The following DHRSX variants were observed in gnomAD, a reference collection of about 807,000 sequenced individuals.
DHRSX encodes the protein polyprenol dehydrogenase.
Under a neutral mutation model 34.0 loss-of-function variants are expected in DHRSX, and 31 were observed. The observed-to-expected ratio is 0.91, with a 90% CI of 0.69 to 1.23. DHRSX has a LOEUF of 1.23. Among genes scored for constraint, DHRSX ranks in the 50% most tolerant of loss-of-function variants. DHRSX has a pLI of 0.00. For synonymous variants in DHRSX, 201 were observed against 183.8 expected (o/e 1.09, Z -0.76); for missense variants, 414 against 428.1 (o/e 0.97, Z 0.29).
chrX:2,326,041 A>G (rs1344950760), intron 3 of DHRSX, among the ~76,000 whole-genome samples: 6 of 152,202 alleles, frequency 3.9e-5, no homozygotes, highest in Non-Finnish European at 7.3e-5. Context: ...CATACTGAAA[A>G]TCAGCAACTC....
intron 1 of DHRSX, chrX:2,488,492 T>A (rs1229892303): frequency 1.7e-6 from 2 of 1,158,670 alleles, no homozygotes; most frequent in African/African-American, 3.1e-5. Flanking sequence ...ACTTCTCAAA[T>A]CTCTTTCCTT....
At chrX:2,264,530 A>T (rs2041414039) in intron 5 of DHRSX, among the ~76,000 whole-genome samples, 1 of 150,538 alleles carries the variant, frequency 6.6e-6, no homozygotes, top group Non-Finnish European at 1.5e-5. Flanking sequence ...TGCCCAGAGC[A>T]CCTGTGCTCA....
intron 1 of DHRSX, among the ~76,000 whole-genome samples, chrX:2,485,709 G>A (rs2044882677): frequency 1.1e-5 from 1 of 94,440 alleles, no homozygotes; most frequent in Non-Finnish European, 2.1e-5. Flanking sequence ...AGGGGAGGGA[G>A]GGAACGGAGA....
At chrX:2,500,330 G>T in intron 1 of DHRSX, 1 of 187,810 alleles carries the variant, frequency 5.3e-6, no homozygotes, top group Non-Finnish European at 1.1e-5. Context: ...GGTAGGGGTC[G>T]AGGTCCCTGG....
At chrX:2,486,285 G>T (rs189009217) in intron 1 of DHRSX, 2 of 152,066 alleles carry the variant, frequency 1.3e-5, no homozygotes, top group African/African-American at 4.8e-5. Context: ...AACTGACCGT[G>T]GGTGCCCTGG....
chrX:2,453,543 G>A (rs1304495301), intron 1 of DHRSX, among the ~76,000 whole-genome samples: 4 of 151,962 alleles, frequency 2.6e-5, no homozygotes, highest in South Asian at 2.1e-4. Context: ...GTGGTGGTGT[G>A]CACCTGTACT....
At chrX:2,397,762 G>GT (rs1320569536) in intron 3 of DHRSX, among the ~76,000 whole-genome samples, 2 of 152,028 alleles carry the variant, frequency 1.3e-5, no homozygotes, top group South Asian at 2.1e-4. Context: ...CCCAGTCCTC[G>GT]TTACGGGCGG....
chrX:2,225,295 TAC>T (rs68052373), intron 6 of DHRSX, among the ~76,000 whole-genome samples: 9 of 150,142 alleles, frequency 6.0e-5, no homozygotes, highest in South Asian at 2.1e-4. Flanking sequence ...CTTTCACATG[TAC>T]ACACATTCAC....
At position 2,442,328 on chromosome X, in the gene DHRSX, G is replaced by A. The variant is rs751815833; in HGVS notation, c.110-17024C>T. Among the ~76,000 whole-genome samples, 4 of 150,346 alleles carry A rather than the reference G, an allele frequency of 2.7e-5. No individual in the cohort carries two copies. In the East Asian group the frequency reaches 7.9e-4, roughly 30 times the overall value. ...TTCTTGCTGTCTCGGGGGTGGCAGAGGTGGCAGAAAATCCACATATAAATG... is the reference window on the plus strand; with the variant it reads ...TTCTTGCTGTCTCGGGGGTGGCAGAAGTGGCAGAAAATCCACATATAAATG... On this transcript the variant is annotated intron_variant, in intron 1 of 6. Coordinates refer to ENST00000334651, the MANE Select transcript of DHRSX (RefSeq NM_145177.3).
intron 1 of DHRSX, among the ~76,000 whole-genome samples, chrX:2,499,683 G>C (rs1017780089): frequency 2.0e-5 from 3 of 152,166 alleles, no homozygotes; most frequent in African/African-American, 7.2e-5. Context: ...CAGGTAGGAG[G>C]ATTGCTTCGG....
chrX:2,283,433 G>A (rs1040776843), intron 4 of DHRSX, among the ~76,000 whole-genome samples: 2 of 152,152 alleles, frequency 1.3e-5, no homozygotes, highest in Non-Finnish European at 2.9e-5. Flanking sequence ...CACCTGTGCA[G>A]ACTCAAGGAT....
At chrX:2,424,537 T>C (rs1268757382) in intron 2 of DHRSX, among the ~76,000 whole-genome samples, 1 of 152,164 alleles carries the variant, frequency 6.6e-6, no homozygotes, top group African/African-American at 2.4e-5. Context: ...CCTCTGGAAT[T>C]GTGAAAAATA....
At chrX:2,261,277 T>C (rs925617333) in intron 5 of DHRSX, 13 of 152,174 alleles carry the variant, frequency 8.5e-5, no homozygotes, top group African/African-American at 2.4e-4. Flanking sequence ...TTCTTTAATA[T>C]GTGTTTTTAT....
intron 3 of DHRSX, among the ~76,000 whole-genome samples, chrX:2,348,064 G>A (rs73630284): frequency 0.044 from 6,734 of 152,222 alleles, 487 homozygotes; most frequent in African/African-American, 0.15. Context: ...GTCAGGCAGG[G>A]AACCCAAGCC....
At chrX:2,224,854 A>G (rs1210359382) in intron 6 of DHRSX, among the ~76,000 whole-genome samples, 1 of 151,342 alleles carries the variant, frequency 6.6e-6, no homozygotes, top group Non-Finnish European at 1.5e-5. Context: ...TCACATGCAC[A>G]CAAATTCGCA....
chrX:2,490,353 G>T (rs1269107006), intron 1 of DHRSX: 3 of 1,613,294 alleles, frequency 1.9e-6, no homozygotes, highest in South Asian at 2.2e-5. Context: ...AGCTCCTGCT[G>T]CTTCTTGCTG....
At chrX:2,377,980 C>T (rs1184673013) in intron 3 of DHRSX, among the ~76,000 whole-genome samples, 8 of 152,190 alleles carry the variant, frequency 5.3e-5, no homozygotes, top group Non-Finnish European at 1.2e-4. Flanking sequence ...CCTCGTGATC[C>T]GCCTGCCTCG....
chrX:2,436,512 C>T lies in DHRSX; in HGVS notation c.110-11208G>A, dbSNP rs2043994061. Among the ~76,000 whole-genome samples, 3 of 146,180 alleles carry T rather than the reference C, an allele frequency of 2.1e-5. No homozygotes were observed. In the Admixed American group the frequency reaches 2.1e-4, roughly 10 times the overall value. On this transcript the variant is annotated intron_variant, in intron 1 of 6. Coordinates refer to ENST00000334651, the MANE Select transcript of DHRSX (RefSeq NM_145177.3). ...ATTATTATTATTACTACTACTACTA[C>T]TGATAGGGTCTTGCTCTGTCACCCC...
chrX:2,283,365 C>T (rs767704966), intron 4 of DHRSX, among the ~76,000 whole-genome samples: 2 of 152,182 alleles, frequency 1.3e-5, no homozygotes, highest in South Asian at 4.2e-4. Context: ...CTACTCTATC[C>T]ACAGGAGAGC....
Sources: gnomAD v4.1 joint callset for allele counts (sites outside exome capture counted in the v4.1 genomes callset) on GRCh38, gnomAD v4.1.1 for gene constraint, MANE v1.5 for transcripts, NCBI Gene and HGNC (gene_info 2026-07-23, HGNC 2026-07-21) for gene names.